Variants in MYO3A observed in about 807,000 individuals in gnomAD.
The protein encoded by MYO3A is myosin IIIA, also known as myosin-IIIa.
A neutral mutation model predicts 192.7 loss-of-function variants in MYO3A; 180 were observed. The observed-to-expected ratio is 0.93, with a 90% CI of 0.83 to 1.06. The LOEUF is 1.06. Ranked by LOEUF, MYO3A falls within the 50% of genes least tolerant of loss-of-function variation. MYO3A has a pLI of 0.00. For missense variants in MYO3A, 1,896 were observed against 1,905.0 expected (o/e 1.00, Z 0.09); for synonymous variants, 628 against 645.3 (o/e 0.97, Z 0.41).
chr10:26,028,591 A>T (rs1323442804), intron 10 of MYO3A, among the ~76,000 whole-genome samples: 1 of 152,230 alleles, frequency 6.6e-6, no homozygotes, highest in East Asian at 1.9e-4. Flanking sequence ...AATAAACAGA[A>T]ATTGAAGTGT....
intron 6 of MYO3A, among the ~76,000 whole-genome samples, chr10:26,011,829 A>G (rs1841680667): frequency 1.3e-5 from 2 of 152,240 alleles, no homozygotes; most frequent in Non-Finnish European, 2.9e-5. Flanking sequence ...TCCCTGATGA[A>G]CATTGATGCA....
chr10:26,067,109 C>T (rs1834901724), intron 11 of MYO3A, 35 bp downstream of exon 11: 2 of 1,333,348 alleles, frequency 1.5e-6, no homozygotes, highest in Middle Eastern at 1.8e-4. Flanking sequence ...TTAGACATTC[C>T]AGATGTTTTG....
intron 15 of MYO3A, among the ~76,000 whole-genome samples, chr10:26,092,070 A>G (rs1836734387): frequency 6.6e-6 from 1 of 152,234 alleles, no homozygotes; most frequent in Non-Finnish European, 1.5e-5. Flanking sequence ...GAGGGGACTG[A>G]GGAGACTGCA....
At chr10:26,007,848 C>T (rs1384201237) in intron 6 of MYO3A, among the ~76,000 whole-genome samples, 2 of 151,792 alleles carry the variant, frequency 1.3e-5, no homozygotes, top group African/African-American at 2.4e-5. Flanking sequence ...CATCAAGCTA[C>T]CAATGACTTT....
chr10:26,013,854 A>G (rs1327207044), intron 6 of MYO3A, among the ~76,000 whole-genome samples: 5 of 152,278 alleles, frequency 3.3e-5, no homozygotes, highest in Admixed American at 1.3e-4. Context: ...TCACAATTTC[A>G]AAGATGTGGG....
intron 32 of MYO3A, among the ~76,000 whole-genome samples, chr10:26,197,646 C>T (rs1464905173): frequency 6.6e-6 from 1 of 152,208 alleles, no homozygotes; most frequent in Non-Finnish European, 1.5e-5. Flanking sequence ...TCACTGCAAC[C>T]TCCGCCTCCC....
chr10:25,958,883 C>T lies in MYO3A; in HGVS notation c.303+3875C>T, dbSNP rs552172547. Among the ~76,000 whole-genome samples the T allele has an allele frequency of 2.6e-5, 4 of 151,898 alleles. No homozygotes were observed. In the East Asian group the frequency reaches 5.8e-4, roughly 22 times the overall value. ...TGGGATTGTTTTTATCTGGCTTTCA[C>T]CTCCCTGGTTAGCTGTATTCCTAGG... On this transcript the variant is annotated intron_variant, in intron 4 of 34. Coordinates refer to ENST00000642920, the MANE Select transcript of MYO3A (RefSeq NM_017433.5).
intron 7 of MYO3A, among the ~76,000 whole-genome samples, chr10:26,018,586 C>A (rs956407231): frequency 6.6e-5 from 10 of 152,098 alleles, no homozygotes; most frequent in Admixed American, 2.0e-4. Context: ...AATTCTATAT[C>A]AAAAGTAGCA....
chr10:26,002,721 AG>A (rs1394741010), intron 6 of MYO3A, among the ~76,000 whole-genome samples: 2 of 148,642 alleles, frequency 1.3e-5, no homozygotes, highest in Admixed American at 6.7e-5. Flanking sequence ...TAATTGAAAA[AG>A]GTTGCTTTAT....
intron 28 of MYO3A, among the ~76,000 whole-genome samples, 173 bp from the exon 29 acceptor site, chr10:26,170,243 A>G (rs767362352): frequency 2.2e-4 from 33 of 152,202 alleles, no homozygotes; most frequent in Admixed American, 1.4e-3. Context: ...ATAGCTTGCC[A>G]TGTAGAAGAA....
At chr10:26,019,249 TTATTTATTTATTTATTTA>T (rs1210451893) in intron 7 of MYO3A, among the ~76,000 whole-genome samples, 40 of 129,578 alleles carry the variant, frequency 3.1e-4, no homozygotes, top group African/African-American at 5.2e-4. Flanking sequence ...ATTTATTTAT[TTATTTATTTATTTATTTA>T]TTTTTTCCTG....
At chr10:26,200,518 C>T (rs1171780473) in intron 32 of MYO3A, among the ~76,000 whole-genome samples, 1 of 152,108 alleles carries the variant, frequency 6.6e-6, no homozygotes, top group South Asian at 2.1e-4. Context: ...ATTGAAGTAG[C>T]ACACACACAA....
rs1212974187 is a variant in MYO3A, at chr10:25,952,219, A to G, written c.109A>G (p.Lys37Glu). ...IGKGTYGKVF[K>E]VLNKKNGQKA... ...CAAAGGAACTTATGGGAAAGTTTTT[A>G]AAGTATTGAATAAGAAAAATGGCCA... The change falls in exon 3 of 35, where the codon AAA becomes GAA. Residue 37 changes from lysine to glutamate, a missense_variant. Physicochemically the swap from Lys to Glu is moderately conservative, Grantham distance 56 (BLOSUM62 1). Transcript: ENST00000642920. 6.2e-7 allele frequency: 1 copy of G among 1,612,956 alleles called. No homozygotes were observed. Among genetic ancestry groups the G allele is most frequent in the South Asian group, 1.1e-5 (1 of 91,050 alleles).
intron 10 of MYO3A, among the ~76,000 whole-genome samples, chr10:26,060,799 T>C (rs1338739452): frequency 6.6e-6 from 1 of 152,224 alleles, no homozygotes; most frequent in African/African-American, 2.4e-5. Context: ...AAATGCCCAA[T>C]ATTATACAAA....
At chr10:26,035,908 T>C (rs72793940) in intron 10 of MYO3A, among the ~76,000 whole-genome samples, 14,628 of 152,106 alleles carry the variant, frequency 0.096, 790 homozygotes, top group Non-Finnish European at 0.12. Context: ...TATTCAATGG[T>C]CAAGGAATCT....
In MYO3A at chr10:26,173,654, T is replaced by A. The variant is rs774852836; in HGVS notation, c.3399-9T>A. Reference sequence around the variant, plus strand: ...TACTGTATATTCAAAGATAATATATTTTACACAGGGAATCTTTCGTGAAGA... The same window carrying A: ...TACTGTATATTCAAAGATAATATATATTACACAGGGAATCTTTCGTGAAGA... On this transcript the variant is annotated splice_polypyrimidine_tract_variant and intron_variant, in intron 29 of 34. Coordinates refer to ENST00000642920, the MANE Select transcript of MYO3A (RefSeq NM_017433.5). The A allele has an allele frequency of 6.2e-7, 1 of 1,610,674 alleles. No homozygotes were observed.
In MYO3A at chr10:26,211,865, G is replaced by A. The variant is rs766084048; in HGVS notation, c.4753G>A (p.Glu1585Lys). The change falls in exon 35 of 35, where the codon GAG becomes AAG. Residue 1585 changes from glutamate (E) to lysine (K), a missense_variant. Physicochemically the swap from Glu to Lys is moderately conservative, Grantham distance 56. Coordinates refer to ENST00000642920, the MANE Select transcript of MYO3A (RefSeq NM_017433.5). Reference protein sequence around the residue: ...NERCWAAESPEKEEEREPAAN... With the variant: ...NERCWAAESPKKEEEREPAAN... ...CAGGTGCTGGGCGGCGGAGAGCCCC[G>A]AGAAGGAGGAGGAGAGAGAGCCAGC... 3.7e-6 allele frequency: 6 copies of A among 1,613,976 alleles called. No individual in the cohort carries two copies. Among genetic ancestry groups the A allele is most frequent in the African/African-American group, 2.7e-5 (2 of 74,918 alleles).
chr10:26,122,608 T>G (rs999242019), intron 18 of MYO3A, among the ~76,000 whole-genome samples: 5 of 152,158 alleles, frequency 3.3e-5, no homozygotes, highest in African/African-American at 9.7e-5. Flanking sequence ...CAAGAATTGA[T>G]TTTTTCCAGG....
chr10:26,160,310 A>C (rs898786269), intron 26 of MYO3A, among the ~76,000 whole-genome samples: 4 of 152,218 alleles, frequency 2.6e-5, no homozygotes, highest in African/African-American at 9.6e-5. Context: ...ATAAGTGCCA[A>C]GGCCAAGAGA....
Sources: allele counts gnomAD v4.1 joint callset (sites outside exome capture counted in the v4.1 genomes callset), GRCh38; gene constraint gnomAD v4.1.1; transcripts MANE v1.5; gene names NCBI Gene and HGNC (gene_info 2026-07-23, HGNC 2026-07-21).